The following LRRC7 variants were observed in gnomAD, a reference collection of about 807,000 sequenced individuals.
LRRC7 encodes the protein leucine rich repeat containing 7.
In LRRC7, 23 loss-of-function variants were observed where a neutral mutation model predicts 175.7. The ratio of observed to expected loss-of-function variants is 0.13; its 90% confidence interval spans 0.09 to 0.19. The LOEUF is 0.19. LRRC7 is among the 10% of genes least tolerant of loss of function. The pLI, the probability that LRRC7 is intolerant of heterozygous loss-of-function variation, is 1.00. For synonymous variants in LRRC7, 685 were observed against 680.9 expected (o/e 1.01, Z -0.09); for missense variants, 1,354 against 1,904.7 (o/e 0.71, Z 5.38).
chr1:69,830,139 C>A (rs191535426), intron 5 of LRRC7, among the ~76,000 whole-genome samples: 110 of 151,856 alleles, frequency 7.2e-4, no homozygotes, highest in Admixed American at 1.8e-3. Context: ...GTTTCTTTCA[C>A]TGTATTTCAC....
chr1:69,738,362 G>C (rs1197571324), intron 2 of LRRC7, among the ~76,000 whole-genome samples: 1 of 152,038 alleles, frequency 6.6e-6, no homozygotes, highest in African/African-American at 2.4e-5. Context: ...ACCTGCGCCA[G>C]AGCTAGTACT....
intron 11 of LRRC7, among the ~76,000 whole-genome samples, chr1:70,010,115 G>A (rs1656367617): frequency 6.6e-6 from 1 of 152,096 alleles, no homozygotes; most frequent in South Asian, 2.1e-4. Flanking sequence ...GTGGTGTTCT[G>A]TATTTAATTT....
At chr1:69,995,352 G>A (rs1045763335) in intron 11 of LRRC7, among the ~76,000 whole-genome samples, 1 of 151,914 alleles carries the variant, frequency 6.6e-6, no homozygotes, top group Non-Finnish European at 1.5e-5. Context: ...GCATTTTATT[G>A]AGATCTTGCC....
intron 8 of LRRC7, among the ~76,000 whole-genome samples, chr1:69,968,334 G>T (rs114677444): frequency 6.6e-6 from 1 of 152,058 alleles, no homozygotes. Flanking sequence ...TAAGAATAAT[G>T]TATTCCTGAG....
intron 24 of LRRC7, among the ~76,000 whole-genome samples, chr1:70,089,110 T>C (rs892367856): frequency 2.0e-5 from 3 of 152,144 alleles, no homozygotes; most frequent in Admixed American, 2.0e-4. Flanking sequence ...GGTTCCTAAC[T>C]CCTACTCCAG....
At chr1:70,004,282 A>G (rs1655801854) in intron 11 of LRRC7, among the ~76,000 whole-genome samples, 1 of 152,156 alleles carries the variant, frequency 6.6e-6, no homozygotes, top group South Asian at 2.1e-4. Flanking sequence ...TAGTCTGACT[A>G]AAGTTTGCAA....
chr1:70,129,165 T>C lies in LRRC7; in HGVS notation c.*7278T>C, dbSNP rs892181067. 2.0e-5 allele frequency among the ~76,000 whole-genome samples: 3 copies of C among 151,692 alleles called. No homozygotes were observed. The highest frequency in any genetic ancestry group is 7.3e-5 in the African/African-American group (3 of 41,248). On this transcript the variant is annotated 3_prime_UTR_variant, in exon 27 of 27. Coordinates refer to ENST00000651989, the MANE Select transcript of LRRC7 (RefSeq NM_001370785.2). ...GGGAGGCTGAGGCAGGAGAATTGCT[T>C]CAACCCAGCAGGCGGAGGTTGCAGT... is the stretch of plus-strand genomic sequence containing the variant.
In LRRC7 at chr1:70,137,409, C is replaced by T. The variant is rs547661152; in HGVS notation, c.*15522C>T. Among the ~76,000 whole-genome samples, 3 of 152,262 alleles carry T rather than the reference C, an allele frequency of 2.0e-5. No homozygotes were observed. The East Asian group carries it at 5.8e-4, about 29-fold the overall frequency. On this transcript the variant is annotated 3_prime_UTR_variant, in exon 27 of 27. Transcript: ENST00000651989. ...GAAGAGAAGTTAACCTTTAGTGACC[C>T]TTGAAAGCTTTAAAATAATTCTTTT...
intron 23 of LRRC7, among the ~76,000 whole-genome samples, chr1:70,070,329 T>C (rs1241491041): frequency 3.9e-5 from 6 of 152,164 alleles, no homozygotes; most frequent in African/African-American, 1.4e-4. Flanking sequence ...TTGCTGACGA[T>C]TTCTAGTTTT....
chr1:69,754,873 C>A (rs1315867249), intron 2 of LRRC7, among the ~76,000 whole-genome samples: 1 of 151,808 alleles, frequency 6.6e-6, no homozygotes, highest in African/African-American at 2.4e-5. Context: ...ATCCACTTAC[C>A]ATTTAACTTA....
intron 25 of LRRC7, among the ~76,000 whole-genome samples, chr1:70,093,690 A>G (rs1011068283): frequency 6.6e-6 from 1 of 152,160 alleles, no homozygotes; most frequent in Non-Finnish European, 1.5e-5. Flanking sequence ...TTGAACCTAG[A>G]TAATTAGGAG....
rs965188184 is a variant in LRRC7 at position 70,126,011 on chromosome 1, G to A, written c.*4124G>A. Among the ~76,000 whole-genome samples the A allele has an allele frequency of 1.3e-5, 2 of 151,954 alleles. No homozygotes were observed. Among genetic ancestry groups the A allele is most frequent in the African/African-American group, 2.4e-5 (1 of 41,360 alleles). ...TTTCCAGTGTAAAGCTTTGGAAAATGTAGTGTGCTTGCCACCTTGTCTTTC... is the reference window on the plus strand; with the variant it reads ...TTTCCAGTGTAAAGCTTTGGAAAATATAGTGTGCTTGCCACCTTGTCTTTC... On this transcript the variant is annotated 3_prime_UTR_variant, in exon 27 of 27. Coordinates refer to ENST00000651989, the MANE Select transcript of LRRC7 (RefSeq NM_001370785.2).
chr1:69,887,546 C>G (rs982609241), intron 7 of LRRC7, among the ~76,000 whole-genome samples: 72 of 151,664 alleles, frequency 4.7e-4, no homozygotes, highest in Middle Eastern at 3.4e-3. Context: ...TTTTCAACTT[C>G]TTTGCCTTTG....
intron 23 of LRRC7, among the ~76,000 whole-genome samples, chr1:70,058,016 T>C (rs2102074867): frequency 6.6e-6 from 1 of 151,578 alleles, no homozygotes; most frequent in Non-Finnish European, 1.5e-5. Context: ...CTCACAATTT[T>C]TTTTTTTTTT....
chr1:69,592,774 A>G (rs1280887688), intron 1 of LRRC7, among the ~76,000 whole-genome samples: 1 of 152,088 alleles, frequency 6.6e-6, no homozygotes, highest in Non-Finnish European at 1.5e-5. Context: ...AAGCTTCACA[A>G]CATATCTGGG....
intron 1 of LRRC7, among the ~76,000 whole-genome samples, chr1:69,635,399 G>T (rs1245038): frequency 0.93 from 141,358 of 152,108 alleles, 65,783 homozygotes; most frequent in East Asian, 0.99. Flanking sequence ...ATTATGGCAG[G>T]AATAATTTTG....
chr1:69,817,996 T>G (rs1407744022), intron 4 of LRRC7, among the ~76,000 whole-genome samples: 1 of 152,132 alleles, frequency 6.6e-6, no homozygotes, highest in East Asian at 1.9e-4. Flanking sequence ...ATTTGCTTAA[T>G]AGTTCTAATA....
In LRRC7 at chr1:70,080,796, A is replaced by G. The variant is rs139770423; in HGVS notation, c.4452+4498A>G. 3.1e-3 allele frequency among the ~76,000 whole-genome samples: 470 copies of G among 152,304 alleles called. 2 individuals carry two copies. Among genetic ancestry groups the G allele is most frequent in the African/African-American group, 0.011 (448 of 41,566 alleles). Reference sequence around the variant, plus strand: ...ACCGTTTAGATTACTTACAAACATAATAGAGGGTAAAAGTCAGAGTTGTAT... The same window carrying G: ...ACCGTTTAGATTACTTACAAACATAGTAGAGGGTAAAAGTCAGAGTTGTAT... On this transcript the variant is annotated intron_variant, in intron 24 of 26. Coordinates refer to ENST00000651989, the MANE Select transcript of LRRC7 (RefSeq NM_001370785.2).
chr1:70,080,078 T>G (rs527852874), intron 24 of LRRC7, among the ~76,000 whole-genome samples: 1 of 152,306 alleles, frequency 6.6e-6, no homozygotes, highest in Admixed American at 6.5e-5. Context: ...ATGCCCTCTC[T>G]GTCAAATGAT....
Sources: allele counts gnomAD v4.1 joint callset (sites outside exome capture counted in the v4.1 genomes callset), GRCh38; gene constraint gnomAD v4.1.1; transcripts MANE v1.5; gene names NCBI Gene and HGNC (gene_info 2026-07-23, HGNC 2026-07-21).